KCNIP1: variants seen among roughly 807,000 people sequenced by gnomAD.
The protein encoded by KCNIP1 is potassium voltage-gated channel interacting protein 1.
A neutral mutation model predicts 33.0 loss-of-function variants in KCNIP1; 18 were observed. That is an observed-to-expected ratio of 0.55 (90% confidence interval 0.38 to 0.81). The LOEUF is 0.81. Ranked by LOEUF, KCNIP1 falls within the 30% of genes least tolerant of loss-of-function variation. The pLI is 0.00. For missense variants in KCNIP1, 238 were observed against 271.6 expected (o/e 0.88, Z 0.87); for synonymous variants, 93 against 98.3 (o/e 0.95, Z 0.32).
At chr5:170,608,808 C>G (rs1221179852) in intron 1 of KCNIP1, among the ~76,000 whole-genome samples, 2 of 151,912 alleles carry the variant, frequency 1.3e-5, no homozygotes, top group Non-Finnish European at 2.9e-5. Context: ...GTGGGAAAAC[C>G]CTTTGCTCAG....
At chr5:170,610,822 G>A (rs35927450) in intron 1 of KCNIP1, among the ~76,000 whole-genome samples, 21,914 of 152,202 alleles carry the variant, frequency 0.14, 1,789 homozygotes, top group Middle Eastern at 0.24. Context: ...AAACCTCCAA[G>A]CCATCAAACC....
intron 1 of KCNIP1, among the ~76,000 whole-genome samples, chr5:170,699,749 A>G (rs1353118053): frequency 6.6e-6 from 1 of 152,030 alleles, no homozygotes; most frequent in Non-Finnish European, 1.5e-5. Context: ...CTATTAACTA[A>G]TAAGGAGAAA....
intron 1 of KCNIP1, among the ~76,000 whole-genome samples, chr5:170,359,741 C>G (rs1763452297): frequency 6.6e-6 from 1 of 152,178 alleles, no homozygotes; most frequent in Non-Finnish European, 1.5e-5. Context: ...GCCTACTGGC[C>G]TCACCACCCT....
chr5:170,434,631 T>C lies in KCNIP1; in HGVS notation c.88+80667T>C, dbSNP rs114697806. The stretch of plus-strand genomic sequence containing the variant: ...GTTGACTGGGGGACGGGTCGGTGGG[T>C]GGGGTGAGATGACTATCACACCTCC... On this transcript the variant is annotated intron_variant, in intron 1 of 7. Transcript: ENST00000377360. Among the ~76,000 whole-genome samples, 707 of 152,088 alleles carry C rather than the reference T, an allele frequency of 4.6e-3. 6 individuals are homozygous for C. Among genetic ancestry groups the C allele is most frequent in the African/African-American group, 0.016 (662 of 41,468 alleles).
At chr5:170,379,939 G>A (rs1415535248) in intron 1 of KCNIP1, among the ~76,000 whole-genome samples, 3 of 147,488 alleles carry the variant, frequency 2.0e-5, no homozygotes, top group Admixed American at 1.4e-4. Flanking sequence ...GCAACAAAGC[G>A]AGATCCCATT....
At position 170,612,211 on chromosome 5, in the gene KCNIP1, C is replaced by A. The variant is rs547518262; in HGVS notation, c.62-106547C>A. On this transcript the variant is annotated intron_variant, in intron 1 of 7. Transcript: ENST00000328939. ...TGCACGCACGAGGGGCCAGAAAACA[C>A]CCCACATGGAGTGGGTCCCACTCTA... Among the ~76,000 whole-genome samples, 16 of 152,308 alleles carry A rather than the reference C, an allele frequency of 1.1e-4. No individual in the cohort carries two copies. The South Asian group carries it at 3.3e-3, about 32-fold the overall frequency.
chr5:170,457,938 C>CA lies in KCNIP1; in HGVS notation c.88+103981dup, dbSNP rs1050065706. 3.3e-5 allele frequency among the ~76,000 whole-genome samples: 5 copies of CA among 151,846 alleles called. 1 individual carries two copies. Among genetic ancestry groups the CA allele is most frequent in the African/African-American group, 4.8e-5 (2 of 41,418 alleles). ...AAGGCAAAGTCCAACTTAAGGAAAT[C>CA]AAAAAAATGATACAACAGGTGAAGG... On this transcript the variant is annotated intron_variant, in intron 1 of 7. Coordinates refer to the KCNIP1 transcript ENST00000377360.
chr5:170,495,758 G>A (rs1757297941), intron 1 of KCNIP1, among the ~76,000 whole-genome samples: 2 of 152,230 alleles, frequency 1.3e-5, no homozygotes, highest in African/African-American at 4.8e-5. Flanking sequence ...TGTGCGGCAG[G>A]TTGTGTGGTC....
chr5:170,516,040 G>A (rs1755107886), intron 1 of KCNIP1, among the ~76,000 whole-genome samples: 1 of 152,216 alleles, frequency 6.6e-6, no homozygotes, highest in Non-Finnish European at 1.5e-5. Context: ...GTATGCTTGT[G>A]ACTTGGAGGA....
intron 1 of KCNIP1, among the ~76,000 whole-genome samples, chr5:170,590,535 G>A (rs904247919): frequency 7.6e-4 from 115 of 152,238 alleles, no homozygotes; most frequent in African/African-American, 2.8e-3. Flanking sequence ...TCAGTGTTGG[G>A]GCAGGCACTA....
intron 1 of KCNIP1, among the ~76,000 whole-genome samples, chr5:170,611,548 A>G (rs1203648319): frequency 3.3e-5 from 5 of 152,218 alleles, no homozygotes; most frequent in Non-Finnish European, 7.3e-5. Context: ...ACATACATCC[A>G]CTCAGGGTCG....
intron 1 of KCNIP1, among the ~76,000 whole-genome samples, chr5:170,471,423 A>G (rs1756724613): frequency 6.6e-6 from 1 of 152,172 alleles, no homozygotes; most frequent in South Asian, 2.1e-4. Context: ...CGGATGACCA[A>G]GTTTTCCATA....
intron 1 of KCNIP1, among the ~76,000 whole-genome samples, chr5:170,615,436 C>T (rs990385800): frequency 2.6e-5 from 4 of 152,150 alleles, no homozygotes; most frequent in Non-Finnish European, 5.9e-5. Flanking sequence ...GGCCTGAGTT[C>T]AGTTCCCAAT....
intron 1 of KCNIP1, among the ~76,000 whole-genome samples, chr5:170,515,379 A>G (rs1197822612): frequency 6.6e-6 from 1 of 152,100 alleles, no homozygotes; most frequent in African/African-American, 2.4e-5. Context: ...ACCACTCTAT[A>G]CGTTGGTCCA....
chr5:170,593,627 T>A (rs1490103849), intron 1 of KCNIP1, among the ~76,000 whole-genome samples: 2 of 152,244 alleles, frequency 1.3e-5, no homozygotes, highest in Non-Finnish European at 2.9e-5. Context: ...AAGGGAGAAT[T>A]TAAGAGGTAT....
intron 1 of KCNIP1, among the ~76,000 whole-genome samples, chr5:170,610,244 G>C (rs1258631495): frequency 6.6e-6 from 1 of 152,174 alleles, no homozygotes; most frequent in Non-Finnish European, 1.5e-5. Flanking sequence ...ACTTATGTTA[G>C]AATAAATACA....
intron 1 of KCNIP1, chr5:170,378,470 C>T: frequency 1.9e-6 from 1 of 540,318 alleles, no homozygotes; most frequent in Non-Finnish European, 3.3e-6. Flanking sequence ...AGAGCTAGAA[C>T]TGGCTGGCCT....
intron 1 of KCNIP1, among the ~76,000 whole-genome samples, chr5:170,627,980 G>C (rs529517006): frequency 1.3e-5 from 2 of 152,270 alleles, no homozygotes; most frequent in South Asian, 4.1e-4. Flanking sequence ...CCAGCGCCAG[G>C]CCTGAGCTAA....
intron 1 of KCNIP1, among the ~76,000 whole-genome samples, chr5:170,573,843 G>A (rs1238940996): frequency 6.6e-6 from 1 of 152,174 alleles, no homozygotes; most frequent in Non-Finnish European, 1.5e-5. Context: ...TACTATATGG[G>A]CCAAGACAGA....
Sources: allele counts gnomAD v4.1 joint callset (sites outside exome capture counted in the v4.1 genomes callset), GRCh38; gene constraint gnomAD v4.1.1; transcripts MANE v1.5; gene names NCBI Gene and HGNC (gene_info 2026-07-23, HGNC 2026-07-21).